Variants in XPO1 observed in about 807,000 individuals in gnomAD.
XPO1 encodes the protein exportin 1.
In XPO1, 5 loss-of-function variants were observed where a neutral mutation model predicts 133.3. The observed-to-expected ratio is 0.04, with a 90% CI of 0.02 to 0.08. The LOEUF (loss-of-function observed/expected upper bound fraction) is 0.08, where lower values mean the gene tolerates loss of function less well. Among genes scored for constraint, XPO1 ranks in the 10% least tolerant of loss-of-function variants. XPO1 has a pLI of 1.00. For missense variants in XPO1, 506 were observed against 1,267.5 expected (o/e 0.40, Z 9.12); for synonymous variants, 419 against 408.2 (o/e 1.03, Z -0.32).
chr2:61,482,322 G>A, intron 23 of XPO1, 58 bp downstream of exon 23: 1 of 1,486,634 alleles, frequency 6.7e-7, no homozygotes, highest in Non-Finnish European at 9.1e-7. Context: ...TGGGATTACA[G>A]GTGTGAGCCA....
In XPO1 at chr2:61,526,244, A is replaced by G; in HGVS notation, c.228+176T>C. On this transcript the variant is annotated intron_variant, in intron 3 of 24. Coordinates refer to ENST00000401558, the MANE Select transcript of XPO1 (RefSeq NM_003400.4). ...AGTCCCATTACAAAACTTCATTCAT[A>G]ATTCTTAGGACTATTTGCAAGAATT... 4 of 1,406,096 alleles carry G rather than the reference A, an allele frequency of 2.8e-6. 1 individual carries two copies. The highest frequency in any genetic ancestry group is 3.7e-6 in the Non-Finnish European group (4 of 1,090,774). 87.1% of individuals were successfully genotyped at this position (1,406,096 alleles called of 1,614,324 possible). A position where few individuals can be genotyped will look rare whatever the true frequency, so the allele number is the denominator to read the frequency against.
chr2:61,508,712 A>C (rs1450796239), intron 4 of XPO1, among the ~76,000 whole-genome samples: 5 of 152,224 alleles, frequency 3.3e-5, no homozygotes, highest in African/African-American at 1.2e-4. Flanking sequence ...ACTCTTTAAA[A>C]TATTGAGAAC....
At chr2:61,501,668 A>G (rs1292386132) in intron 6 of XPO1, among the ~76,000 whole-genome samples, 1 of 148,312 alleles carries the variant, frequency 6.7e-6, no homozygotes, top group Non-Finnish European at 1.5e-5. Context: ...GGCTGCAGTG[A>G]GCCGAGATCA....
intron 11 of XPO1, 144 bp from the exon 12 acceptor site, chr2:61,494,235 C>G (rs1022615155): frequency 1.1e-5 from 8 of 732,964 alleles, no homozygotes; most frequent in Non-Finnish European, 1.7e-5. Context: ...AAATAGACAG[C>G]AAACTCTGGA....
intron 2 of XPO1, among the ~76,000 whole-genome samples, chr2:61,533,372 A>C (rs1699240565): frequency 6.6e-6 from 1 of 152,218 alleles, no homozygotes; most frequent in South Asian, 2.1e-4. Context: ...AGTGCACAAA[A>C]TTCAACTAAC....
At chr2:61,506,707 A>C (rs1007022693) in intron 4 of XPO1, among the ~76,000 whole-genome samples, 1 of 151,998 alleles carries the variant, frequency 6.6e-6, no homozygotes. Context: ...ATAAATAAAT[A>C]AATAAATAAT....
At position 61,495,331 on chromosome 2, in the gene XPO1, T is replaced by C. The variant is rs1485299193; in HGVS notation, c.1047+124A>G. On this transcript the variant is annotated intron_variant, in intron 11 of 24. Coordinates refer to ENST00000401558, the MANE Select transcript of XPO1 (RefSeq NM_003400.4). The stretch of plus-strand genomic sequence containing the variant: ...AATTCAGAATTGAGAATATATATAA[T>C]GTACTGATCAAATATTAAGTAATAA... The C allele has an allele frequency of 8.6e-6, 6 of 696,004 alleles. No individual in the cohort carries two copies. The African/African-American group carries it at 9.2e-5, about 11-fold the overall frequency. The allele number at this position is 696,004 out of a possible 1,614,324, so 43.1% of individuals were successfully genotyped here. A position where few individuals can be genotyped will look rare whatever the true frequency, so the allele number is the denominator to read the frequency against.
intron 12 of XPO1, 120 bp downstream of exon 12, chr2:61,493,774 G>A (rs1022647581): frequency 9.4e-7 from 1 of 1,064,186 alleles, no homozygotes; most frequent in East Asian, 2.4e-5. Context: ...CACACTCATG[G>A]AGAAGTTGTT....
chr2:61,532,846 G>T (rs1699217641), intron 2 of XPO1, among the ~76,000 whole-genome samples: 1 of 148,648 alleles, frequency 6.7e-6, no homozygotes, highest in East Asian at 2.0e-4. Flanking sequence ...AAAAAAAAAA[G>T]ATTTCTGACC....
intron 4 of XPO1, among the ~76,000 whole-genome samples, chr2:61,516,247 G>GT (rs1468160775): frequency 6.6e-6 from 1 of 151,464 alleles, no homozygotes. Flanking sequence ...GGAGGCTGCA[G>GT]TGAGTGGAGA....
At chr2:61,509,847 G>A (rs1698002987) in intron 4 of XPO1, among the ~76,000 whole-genome samples, 2 of 152,168 alleles carry the variant, frequency 1.3e-5, no homozygotes, top group South Asian at 4.1e-4. Flanking sequence ...ATAGGAAAAA[G>A]GCAAGTTCAA....
At chr2:61,509,268 G>T (rs147079595) in intron 4 of XPO1, among the ~76,000 whole-genome samples, 2,907 of 151,846 alleles carry the variant, frequency 0.019, 108 homozygotes, top group African/African-American at 0.066. Context: ...GCCTCCCAAA[G>T]TGCTGGGATT....
chr2:61,530,460 GA>G (rs1454769508), intron 2 of XPO1, among the ~76,000 whole-genome samples: 1 of 152,128 alleles, frequency 6.6e-6, no homozygotes, highest in Non-Finnish European at 1.5e-5. Flanking sequence ...ACTGAATGGT[GA>G]AAGCATTTTA....
At chr2:61,536,743 G>A (rs1699369953) in intron 1 of XPO1, 1 of 152,466 alleles carries the variant, frequency 6.6e-6, no homozygotes, top group South Asian at 2.1e-4. Flanking sequence ...TTTAGACCAG[G>A]CGCCTTAAGT....
chr2:61,486,419 A>G (rs1296166523), intron 19 of XPO1, among the ~76,000 whole-genome samples: 1 of 151,920 alleles, frequency 6.6e-6, no homozygotes, highest in East Asian at 1.9e-4. Context: ...GATTCTACGT[A>G]TACTGTATAT....
Position 61,490,579 on chromosome 2 carries a change from T to C in XPO1, c.2022+63A>G, listed in dbSNP as rs1197441255. 3 of 1,601,276 alleles carry C rather than the reference T, an allele frequency of 1.9e-6. No homozygotes were observed. In the African/African-American group the frequency reaches 4.0e-5, roughly 22 times the overall value. ...TGTTAAAAGGCTTGAATTCAATACA[T>C]TTGTAAAGAACACGTCTTGTTAAAT... On this transcript the variant is annotated intron_variant, in intron 17 of 24. Coordinates refer to ENST00000401558, the MANE Select transcript of XPO1 (RefSeq NM_003400.4).
intron 4 of XPO1, among the ~76,000 whole-genome samples, chr2:61,515,954 C>CAA (rs1698365915): frequency 6.8e-6 from 1 of 146,032 alleles, no homozygotes; most frequent in Admixed American, 6.9e-5. Flanking sequence ...CACACACACA[C>CAA]ACACACACAC....
At chr2:61,537,391 G>A (rs2104875509) in intron 1 of XPO1, among the ~76,000 whole-genome samples, 171 bp downstream of exon 1, 1 of 150,148 alleles carries the variant, frequency 6.7e-6, no homozygotes, top group Non-Finnish European at 1.5e-5. Flanking sequence ...CGGCAAAAGC[G>A]GCTCCATTCA....
chr2:61,499,972 T>C (rs1194844435), intron 6 of XPO1, 78 bp from the exon 7 acceptor site: 6 of 1,377,986 alleles, frequency 4.4e-6, no homozygotes, highest in Admixed American at 2.2e-5. Flanking sequence ...AATTATGTAA[T>C]GGATAAAGGC....
Sources: gnomAD v4.1 joint callset for allele counts (sites outside exome capture counted in the v4.1 genomes callset) on GRCh38, gnomAD v4.1.1 for gene constraint, MANE v1.5 for transcripts, NCBI Gene and HGNC (gene_info 2026-07-23, HGNC 2026-07-21) for gene names.